The following TMEM132B variants were observed in gnomAD, a reference collection of about 807,000 sequenced individuals.
The protein encoded by TMEM132B is transmembrane protein 132B.
A neutral mutation model predicts 90.8 loss-of-function variants in TMEM132B; 18 were observed. The ratio of observed to expected loss-of-function variants is 0.20; its 90% confidence interval spans 0.14 to 0.29. The LOEUF (loss-of-function observed/expected upper bound fraction) is 0.29. TMEM132B is among the 10% of genes least tolerant of loss of function. The probability of loss-of-function intolerance (pLI) is 1.00; values close to 1 mark genes in which losing one functional copy is unlikely to be tolerated. For synonymous variants in TMEM132B, 504 were observed against 523.3 expected (o/e 0.96, Z 0.50); for missense variants, 1,096 against 1,326.8 (o/e 0.83, Z 2.70).
intron 1 of TMEM132B, among the ~76,000 whole-genome samples, chr12:125,292,055 A>G (rs1875555858): frequency 6.6e-6 from 1 of 152,238 alleles, no homozygotes; most frequent in Non-Finnish European, 1.5e-5. Context: ...TGCCTATGGT[A>G]TCACTATTCA....
At chr12:125,396,366 G>A (rs1205662798) in intron 2 of TMEM132B, among the ~76,000 whole-genome samples, 2 of 152,146 alleles carry the variant, frequency 1.3e-5, no homozygotes, top group Non-Finnish European at 2.9e-5. Context: ...GAAGGGGACA[G>A]CACTTGGACA....
At chr12:125,501,518 G>A (rs1020970180) in intron 3 of TMEM132B, among the ~76,000 whole-genome samples, 3 of 152,090 alleles carry the variant, frequency 2.0e-5, no homozygotes, top group Non-Finnish European at 1.5e-5. Flanking sequence ...TTTTCCTGAT[G>A]GTCTCCCTTT....
rs894827640 is a variant in TMEM132B, at chr12:125,655,505, G to A, written c.*795G>A. On this transcript the variant is annotated 3_prime_UTR_variant, in exon 9 of 9. Transcript: ENST00000682704. ...TAAAATGTTAATATACAGTGAGGGA[G>A]GGCCATCTCTTTACTGTTTTCTATG... 2.0e-5 allele frequency: 3 copies of A among 152,196 alleles called. No individual in the cohort carries two copies. The highest frequency in any genetic ancestry group is 4.4e-5 in the Non-Finnish European group (3 of 68,030). 9.4% of individuals were successfully genotyped at this position (152,196 alleles called of 1,614,324 possible). A position where few individuals can be genotyped will look rare whatever the true frequency, so the allele number is the denominator to read the frequency against.
intron 3 of TMEM132B, among the ~76,000 whole-genome samples, chr12:125,505,166 CAAAAAAAAAAAA>C (rs71306287): frequency 1.0e-3 from 30 of 28,584 alleles, no homozygotes; most frequent in East Asian, 1.6e-3. Flanking sequence ...CACCAGAGGA[CAAAAAAAAAAAA>C]AAAAAAAAAA....
At chr12:125,571,307 A>G (rs74851342) in intron 4 of TMEM132B, among the ~76,000 whole-genome samples, 3,184 of 152,268 alleles carry the variant, frequency 0.021, 118 homozygotes, top group African/African-American at 0.074. Flanking sequence ...AAAAATAGTA[A>G]TGCTTCAGTA....
At chr12:125,598,336 T>C (rs1885492115) in intron 5 of TMEM132B, among the ~76,000 whole-genome samples, 1 of 152,172 alleles carries the variant, frequency 6.6e-6, no homozygotes, top group Non-Finnish European at 1.5e-5. Flanking sequence ...TCATTGAACA[T>C]GGAATGTGGA....
chr12:125,654,032 C>T lies in TMEM132B; in HGVS notation c.2574C>T (p.Pro858=), dbSNP rs750011871. The part of the protein sequence containing the change: ...STNKSTTPQS[P]MEGKNKLLKS... ...ACAAAAGCACAACCCCCCAGTCTCC[C>T]ATGGAAGGGAAGAATAAGTTACTCA... is the stretch of plus-strand genomic sequence containing the variant. The change falls in exon 9 of 9, where the codon CCC becomes CCT. Residue 858 remains proline, a synonymous_variant. Transcript: ENST00000682704. This position sits in a 1 kb window ranked among gnomAD's most constrained non-coding sequence, Gnocchi z 5.8. 23 of 1,614,174 alleles carry T rather than the reference C, an allele frequency of 1.4e-5. No homozygotes were observed. The Admixed American group carries it at 2.7e-4, about 19-fold the overall frequency.
intron 7 of TMEM132B, 106 bp downstream of exon 7, chr12:125,651,059 T>C: frequency 7.0e-7 from 1 of 1,431,188 alleles, no homozygotes; most frequent in East Asian, 2.4e-5. Context: ...TGTGGACATG[T>C]ATATCAACGT....
chr12:125,309,209 T>G (rs1290476897), intron 1 of TMEM132B, among the ~76,000 whole-genome samples: 5 of 152,248 alleles, frequency 3.3e-5, no homozygotes, highest in Non-Finnish European at 7.3e-5. Flanking sequence ...AATGCTTCAA[T>G]TTTATATGCT....
At chr12:125,645,644 T>G (rs75386409) in intron 6 of TMEM132B, among the ~76,000 whole-genome samples, 1 of 152,136 alleles carries the variant, frequency 6.6e-6, no homozygotes, top group Non-Finnish European at 1.5e-5. Flanking sequence ...GATTCTTCCT[T>G]AGCACTTCCA....
intron 4 of TMEM132B, among the ~76,000 whole-genome samples, chr12:125,525,689 G>A (rs1369425865): frequency 1.3e-5 from 2 of 152,214 alleles, no homozygotes; most frequent in Non-Finnish European, 2.9e-5. Context: ...TACTCTGCAG[G>A]TGGGGTGGTG....
At chr12:125,453,904 T>A (rs1881221131) in intron 3 of TMEM132B, among the ~76,000 whole-genome samples, 1 of 152,162 alleles carries the variant, frequency 6.6e-6, no homozygotes, top group Non-Finnish European at 1.5e-5. Flanking sequence ...CGGTGCCTTT[T>A]TGGATTGTCC....
chr12:125,349,362 T>C lies in TMEM132B; in HGVS notation c.68-90T>C. Reference sequence around the variant, plus strand: ...GGAGAAACAGTGGCCAGTGGGCGGTTTGTTGGGGAGGTGGGTGGAGACTGC... The same window carrying C: ...GGAGAAACAGTGGCCAGTGGGCGGTCTGTTGGGGAGGTGGGTGGAGACTGC... On this transcript the variant is annotated intron_variant, in intron 1 of 8. Transcript: ENST00000682704. This position sits in a 1 kb window ranked among gnomAD's most constrained non-coding sequence, Gnocchi z 4.1. The C allele has an allele frequency of 1.4e-6, 2 of 1,440,860 alleles. No individual in the cohort carries two copies. Among genetic ancestry groups the C allele is most frequent in the Non-Finnish European group, 1.9e-6 (2 of 1,069,262 alleles). The allele number at this position is 1,440,860 out of a possible 1,614,324, so 89.3% of individuals were successfully genotyped here.
chr12:125,607,740 C>T (rs1885730922), intron 5 of TMEM132B, among the ~76,000 whole-genome samples: 1 of 152,184 alleles, frequency 6.6e-6, no homozygotes, highest in South Asian at 2.1e-4. Flanking sequence ...ATCCCATACC[C>T]ATTAGCAACT....
intron 2 of TMEM132B, 26 bp downstream of exon 2, chr12:125,350,369 G>A: frequency 6.3e-7 from 1 of 1,580,450 alleles, no homozygotes; most frequent in Non-Finnish European, 8.6e-7. Flanking sequence ...AGGTGGGATG[G>A]AACAGAAGCC....
intron 1 of TMEM132B, among the ~76,000 whole-genome samples, chr12:125,243,536 C>G (rs1874137690): frequency 6.6e-6 from 1 of 152,104 alleles, no homozygotes; most frequent in Non-Finnish European, 1.5e-5. Flanking sequence ...GAACTCCTGA[C>G]CTCGAGTGAT....
At chr12:125,336,725 A>G (rs1319440878) in intron 1 of TMEM132B, among the ~76,000 whole-genome samples, 1 of 152,188 alleles carries the variant, frequency 6.6e-6, no homozygotes, top group Non-Finnish European at 1.5e-5. Flanking sequence ...GTGACACCCC[A>G]TTTGACACAG....
At chr12:125,262,852 C>T (rs1874599949) in intron 1 of TMEM132B, among the ~76,000 whole-genome samples, 1 of 152,196 alleles carries the variant, frequency 6.6e-6, no homozygotes, top group Admixed American at 6.5e-5. Flanking sequence ...ATTTGACTTT[C>T]TGACCCTTGG....
intron 2 of TMEM132B, among the ~76,000 whole-genome samples, chr12:125,351,636 A>G (rs1352769945): frequency 6.6e-6 from 1 of 152,246 alleles, no homozygotes; most frequent in African/African-American, 2.4e-5. Flanking sequence ...GGGAAGAGGC[A>G]GCTGCAGAAA....
Sources: gnomAD v4.1 joint callset for allele counts (sites outside exome capture counted in the v4.1 genomes callset) on GRCh38, gnomAD v4.1.1 for gene constraint, Gnocchi (gnomAD v3.1) non-coding constraint, MANE v1.5 for transcripts, NCBI Gene and HGNC (gene_info 2026-07-23, HGNC 2026-07-21) for gene names.